Variants in EYS observed in about 807,000 individuals in gnomAD.
The protein encoded by EYS is EGF-like photoreceptor maintenance factor.
Under a neutral mutation model 282.1 loss-of-function variants are expected in EYS, and 250 were observed. The ratio of observed to expected loss-of-function variants is 0.89; its 90% confidence interval spans 0.80 to 0.98. The LOEUF (loss-of-function observed/expected upper bound fraction) is 0.98. Ranked by LOEUF, EYS falls within the 50% of genes least tolerant of loss-of-function variation. The pLI is 0.00. For synonymous variants in EYS, 1,355 were observed against 1,282.9 expected (o/e 1.06, Z -1.20); for missense variants, 4,016 against 3,709.0 (o/e 1.08, Z -2.15).
intron 28 of EYS, among the ~76,000 whole-genome samples, chr6:64,409,624 A>G (rs1204656225): frequency 6.6e-6 from 1 of 152,182 alleles, no homozygotes; most frequent in Non-Finnish European, 1.5e-5. Flanking sequence ...CCAATTTTAT[A>G]TGTTGATTAT....
intron 31 of EYS, among the ~76,000 whole-genome samples, chr6:64,216,869 CT>C (rs1765945141): frequency 6.6e-6 from 1 of 152,098 alleles, no homozygotes; most frequent in Non-Finnish European, 1.5e-5. Context: ...GACAGAGAAA[CT>C]GAAGGTCAAA....
At chr6:63,978,208 A>G (rs1174117820) in intron 35 of EYS, among the ~76,000 whole-genome samples, 1 of 152,006 alleles carries the variant, frequency 6.6e-6, no homozygotes, top group Non-Finnish European at 1.5e-5. Context: ...ACATAATAAG[A>G]AAGATAGGAA....
chr6:65,639,323 A>G (rs11966144), intron 2 of EYS, among the ~76,000 whole-genome samples: 1 of 152,132 alleles, frequency 6.6e-6, no homozygotes, highest in Non-Finnish European at 1.5e-5. Context: ...TGAATAAATA[A>G]GATAAGTTAT....
chr6:65,559,411 AAAAAATTTTTTTTGGCTAC>A (rs915878195), intron 2 of EYS, among the ~76,000 whole-genome samples: 8 of 152,032 alleles, frequency 5.3e-5, no homozygotes, highest in Admixed American at 4.6e-4. Flanking sequence ...AAGAAAAGAA[AAAAAATTTTTTTTGGCTAC>A]TCCCAATAGA....
At chr6:64,167,448 C>G (rs1562234636) in intron 31 of EYS, among the ~76,000 whole-genome samples, 1 of 152,064 alleles carries the variant, frequency 6.6e-6, no homozygotes, top group East Asian at 1.9e-4. Context: ...CATCACTTGG[C>G]TTTTTTTCTT....
chr6:64,434,509 T>G (rs1008873593), intron 28 of EYS, among the ~76,000 whole-genome samples: 1 of 152,080 alleles, frequency 6.6e-6, no homozygotes, highest in African/African-American at 2.4e-5. Context: ...CATTTATAAC[T>G]CTTATCTTTA....
At chr6:64,446,098 T>A (rs1048725736) in intron 26 of EYS, among the ~76,000 whole-genome samples, 1 of 152,218 alleles carries the variant, frequency 6.6e-6, no homozygotes, top group Non-Finnish European at 1.5e-5. Flanking sequence ...TTGCCTTTAT[T>A]TCTAGAAACT....
intron 13 of EYS, among the ~76,000 whole-genome samples, chr6:65,029,832 T>C (rs893977057): frequency 1.3e-5 from 2 of 152,060 alleles, no homozygotes; most frequent in African/African-American, 4.8e-5. Flanking sequence ...CGGGGCTGAA[T>C]GGGGAGCAAT....
chr6:65,314,739 T>G (rs1047262332), intron 11 of EYS, among the ~76,000 whole-genome samples: 14 of 151,846 alleles, frequency 9.2e-5, no homozygotes, highest in Non-Finnish European at 2.1e-4. Flanking sequence ...ACATAGCCAA[T>G]GATGATGATG....
chr6:64,744,292 G>T (rs1161172626), intron 22 of EYS, among the ~76,000 whole-genome samples: 3 of 152,082 alleles, frequency 2.0e-5, no homozygotes, highest in Non-Finnish European at 4.4e-5. Flanking sequence ...CAATTTTCCA[G>T]TTAAAAGAGA....
intron 22 of EYS, among the ~76,000 whole-genome samples, chr6:64,744,190 C>A (rs1772476184): frequency 6.6e-6 from 1 of 152,052 alleles, no homozygotes; most frequent in Non-Finnish European, 1.5e-5. Context: ...AAGCAAATCA[C>A]CTAGTAGCAT....
chr6:63,835,133 A>G lies in EYS; in HGVS notation c.7229-28761T>C, dbSNP rs539112184. 1.8e-4 allele frequency among the ~76,000 whole-genome samples: 28 copies of G among 151,754 alleles called. 1 individual carries two copies. The South Asian group carries it at 5.8e-3, about 32-fold the overall frequency. ...GAGTTAATGGGTGCACTACACCAAC[A>G]TGGCATATGTATACATATGTAACAA... On this transcript the variant is annotated intron_variant, in intron 36 of 42. Coordinates refer to ENST00000503581, the MANE Select transcript of EYS (RefSeq NM_001142800.2).
Position 65,000,093 on chromosome 6 carries a change from G to A in EYS, c.2138-2390C>T, listed in dbSNP as rs545226610. 2.6e-5 allele frequency among the ~76,000 whole-genome samples: 4 copies of A among 152,154 alleles called. No homozygotes were observed. In the South Asian group the frequency reaches 6.2e-4, roughly 24 times the overall value. ...AAGAGCAAAACTAAATGAGCACCCT[G>A]TAACACACGCCCACTGGGGCTTCAG... On this transcript the variant is annotated intron_variant, in intron 13 of 42. Transcript: ENST00000503581.
chr6:64,954,718 T>G (rs1303132804), intron 14 of EYS, among the ~76,000 whole-genome samples: 1 of 152,056 alleles, frequency 6.6e-6, no homozygotes, highest in Admixed American at 6.5e-5. Context: ...AGCAAGATGG[T>G]GGAATAGAAA....
intron 22 of EYS, among the ~76,000 whole-genome samples, chr6:64,744,074 T>C (rs1772471643): frequency 6.6e-6 from 1 of 152,274 alleles, no homozygotes; most frequent in Middle Eastern, 3.4e-3. Context: ...GTGGCTTAAT[T>C]GGCAATCTTG....
chr6:65,199,092 G>A lies in EYS; in HGVS notation c.2023+96771C>T, dbSNP rs570302010. ...GTCCCGTCAAGTAAACAATTAGGTT[G>A]CTTTTCTAATCTGATTTAGTTTAAA... On this transcript the variant is annotated intron_variant, in intron 12 of 42. Coordinates refer to ENST00000503581, the MANE Select transcript of EYS (RefSeq NM_001142800.2). Among the ~76,000 whole-genome samples the A allele has an allele frequency of 3.3e-5, 5 of 152,166 alleles. No individual in the cohort carries two copies. The South Asian group carries it at 1.0e-3, about 32-fold the overall frequency.
At chr6:64,488,527 A>AC (rs1393642998) in intron 26 of EYS, among the ~76,000 whole-genome samples, 2 of 151,132 alleles carry the variant, frequency 1.3e-5, no homozygotes, top group Non-Finnish European at 3.0e-5. Flanking sequence ...ATTATTTATA[A>AC]GACACTCTGC....
intron 22 of EYS, among the ~76,000 whole-genome samples, chr6:64,758,750 T>C (rs1583123556): frequency 6.6e-6 from 1 of 152,056 alleles, no homozygotes. Flanking sequence ...CTAAAGTCTA[T>C]TTTTGTTTTA....
chr6:65,103,548 G>A (rs957445353), intron 12 of EYS, among the ~76,000 whole-genome samples: 1 of 151,354 alleles, frequency 6.6e-6, no homozygotes, highest in Non-Finnish European at 1.5e-5. Flanking sequence ...GACCCATGCT[G>A]TTGACTTATT....
Sources: allele counts gnomAD v4.1 joint callset (sites outside exome capture counted in the v4.1 genomes callset), GRCh38; gene constraint gnomAD v4.1.1; transcripts MANE v1.5; gene names NCBI Gene and HGNC (gene_info 2026-07-23, HGNC 2026-07-21).